ANKRD30B: variants seen among roughly 807,000 people sequenced by gnomAD.
ANKRD30B encodes ankyrin repeat domain-containing protein 30B.
ANKRD30B carries 144 observed loss-of-function variants against 202.2 expected under a neutral mutation model. That is an observed-to-expected ratio of 0.71 (90% CI 0.62 to 0.82). The LOEUF is 0.82. Ranked by LOEUF, ANKRD30B falls within the 40% of genes least tolerant of loss-of-function variation. The pLI is 0.00. For synonymous variants in ANKRD30B, 508 were observed against 561.3 expected, an observed-to-expected ratio of 0.91 and a Z score of 1.34; for missense variants, 1,487 against 1,669.1, an observed-to-expected ratio of 0.89 and a Z score of 1.90.
chr18:14,897,111 C>T, the ANKRD30B span, among the ~76,000 whole-genome samples: 8 of 151,862 alleles, frequency 5.3e-5, no homozygotes, highest in South Asian at 1.0e-3. Context: ...ACATGCTAAT[C>T]GAGAGATAAA....
chr18:14,915,578 T>C, the ANKRD30B span: 1 of 152,188 alleles, frequency 6.6e-6, no homozygotes, highest in Non-Finnish European at 1.5e-5. Flanking sequence ...ATGAAGGTCA[T>C]TCTCCAAGGA....
At chr18:14,882,922 T>C in the ANKRD30B span, among the ~76,000 whole-genome samples, 2 of 152,214 alleles carry the variant, frequency 1.3e-5, no homozygotes, top group African/African-American at 4.8e-5. Context: ...TGAGAATAGC[T>C]ACTGCTGCTC....
chr18:14,937,410 C>G, the ANKRD30B span, among the ~76,000 whole-genome samples: 1 of 120,808 alleles, frequency 8.3e-6, no homozygotes, highest in African/African-American at 3.1e-5. Flanking sequence ...AGCAAAAGAA[C>G]AGCAGGTGCC....
intron 11 of ANKRD30B, among the ~76,000 whole-genome samples, chr18:14,782,105 A>T (rs1405972643): frequency 6.6e-6 from 1 of 152,178 alleles, no homozygotes; most frequent in Non-Finnish European, 1.5e-5. Context: ...TATCTCTATA[A>T]CTATCTCTAA....
At chr18:14,779,222 G>A (rs1438039465) in intron 10 of ANKRD30B, among the ~76,000 whole-genome samples, 1 of 152,152 alleles carries the variant, frequency 6.6e-6, no homozygotes, top group Non-Finnish European at 1.5e-5. Flanking sequence ...ATGGCTCTCA[G>A]TACTCCTTGG....
At chr18:14,833,611 G>A (rs769321107) in intron 34 of ANKRD30B, among the ~76,000 whole-genome samples, 64 of 152,052 alleles carry the variant, frequency 4.2e-4, no homozygotes, top group Non-Finnish European at 7.5e-4. Flanking sequence ...TCGCTTTTAG[G>A]TGTTGGCTGA....
At chr18:14,927,045 T>G in the ANKRD30B span, among the ~76,000 whole-genome samples, 1 of 152,124 alleles carries the variant, frequency 6.6e-6, no homozygotes, top group Non-Finnish European at 1.5e-5. Flanking sequence ...CTTCTCTTTT[T>G]TTTTCCTATA....
At chr18:14,822,933 C>T (rs1427992161) in intron 32 of ANKRD30B, among the ~76,000 whole-genome samples, 1 of 44,538 alleles carries the variant, frequency 2.2e-5, no homozygotes, top group Non-Finnish European at 4.1e-5. Flanking sequence ...TTCCAATTTG[C>T]AATTTCTATA....
At chr18:14,765,892 T>C (rs1386203487) in intron 7 of ANKRD30B, among the ~76,000 whole-genome samples, 2 of 152,194 alleles carry the variant, frequency 1.3e-5, no homozygotes, top group Non-Finnish European at 2.9e-5. Context: ...TTTTGATTTG[T>C]TTTACTGAAT....
intron 34 of ANKRD30B, among the ~76,000 whole-genome samples, chr18:14,832,748 CT>C: frequency 6.6e-6 from 1 of 152,112 alleles, no homozygotes; most frequent in East Asian, 1.9e-4. Flanking sequence ...TTTATATTTT[CT>C]TTTAATATTT....
intron 5 of ANKRD30B, chr18:14,759,413 G>T (rs1296954769): frequency 6.6e-6 from 1 of 152,194 alleles, no homozygotes; most frequent in Non-Finnish European, 1.5e-5. Flanking sequence ...TTTATGTAAG[G>T]TGATCTATGA....
chr18:14,908,692 G>C, the ANKRD30B span, among the ~76,000 whole-genome samples: 1 of 152,182 alleles, frequency 6.6e-6, no homozygotes, highest in Non-Finnish European at 1.5e-5. Context: ...GCCCAGCTCA[G>C]AGCAGGTGTT....
chr18:14,937,798 G>C, the ANKRD30B span, among the ~76,000 whole-genome samples: 1 of 152,060 alleles, frequency 6.6e-6, no homozygotes, highest in Non-Finnish European at 1.5e-5. Flanking sequence ...TGTGCATTTT[G>C]TTCAGTTCTT....
chr18:14,908,903 G>A, the ANKRD30B span, among the ~76,000 whole-genome samples: 3 of 152,176 alleles, frequency 2.0e-5, no homozygotes, highest in African/African-American at 7.2e-5. Flanking sequence ...TTGATCCTGG[G>A]GAAAAGCTAT....
chr18:14,868,013 C>T, the ANKRD30B span, among the ~76,000 whole-genome samples: 5 of 152,358 alleles, frequency 3.3e-5, no homozygotes, highest in African/African-American at 1.2e-4. Flanking sequence ...TGTGATTCAT[C>T]TCCTATGGTT....
At chr18:14,870,044 C>A in the ANKRD30B span, among the ~76,000 whole-genome samples, 4 of 152,174 alleles carry the variant, frequency 2.6e-5, no homozygotes, top group Admixed American at 6.5e-5. Context: ...CCATATTGAT[C>A]ATGCCGGTCT....
At chr18:14,829,260 C>T (rs1408115006) in intron 33 of ANKRD30B, among the ~76,000 whole-genome samples, 1 of 152,028 alleles carries the variant, frequency 6.6e-6, no homozygotes, top group Non-Finnish European at 1.5e-5. Context: ...TATTTAATAT[C>T]CTGGAAAAAT....
rs115087614 is a variant in ANKRD30B at position 14,762,657 on chromosome 18, A to G, written c.821-1029A>G. Among the ~76,000 whole-genome samples, 916 of 152,350 alleles carry G rather than the reference A, an allele frequency of 6.0e-3. 13 individuals carry two copies. The highest frequency in any genetic ancestry group is 0.02 in the African/African-American group (845 of 41,586). On this transcript the variant is annotated intron_variant, in intron 6 of 43. Transcript: ENST00000690538. ...AAGATACTCTAATAGCCAAAATATTATCATTATAAATATTCAAATAGCTTA... is the reference window on the plus strand; with the variant it reads ...AAGATACTCTAATAGCCAAAATATTGTCATTATAAATATTCAAATAGCTTA...
chr18:14,910,867 T>C, the ANKRD30B span, among the ~76,000 whole-genome samples: 1 of 152,224 alleles, frequency 6.6e-6, no homozygotes, highest in African/African-American at 2.4e-5. Flanking sequence ...TTTGCATTTC[T>C]CTAATGATTA....
Sources: allele counts gnomAD v4.1 joint callset (sites outside exome capture counted in the v4.1 genomes callset), GRCh38; gene constraint gnomAD v4.1.1; transcripts MANE v1.5; gene names NCBI Gene and HGNC (gene_info 2026-07-23, HGNC 2026-07-21).